The following GLIS1 variants were observed in gnomAD, a reference collection of about 807,000 sequenced individuals.
GLIS1 encodes the protein zinc finger protein GLIS1.
In GLIS1, 24 loss-of-function variants were observed where a neutral mutation model predicts 63.8. The observed-to-expected ratio is 0.38, with a 90% CI of 0.27 to 0.53. GLIS1 has a LOEUF of 0.53. GLIS1 is among the 20% of genes least tolerant of loss of function. The pLI is 0.85. For synonymous variants in GLIS1, 450 were observed against 482.5 expected (o/e 0.93, Z 0.88); for missense variants, 1,036 against 1,074.1 (o/e 0.96, Z 0.50).
chr1:53,680,379 G>A (rs1216411945), intron 2 of GLIS1, among the ~76,000 whole-genome samples: 2 of 152,204 alleles, frequency 1.3e-5, no homozygotes, highest in Non-Finnish European at 2.9e-5. Flanking sequence ...TCTATGCCAC[G>A]AGTGTGGTGC....
intron 4 of GLIS1, among the ~76,000 whole-genome samples, chr1:53,541,644 TCA>T (rs1368156738): frequency 1.3e-5 from 2 of 152,026 alleles, no homozygotes; most frequent in Non-Finnish European, 2.9e-5. Context: ...GGGAAACCAG[TCA>T]CACACACACA....
chr1:53,576,804 A>G (rs1569855286), intron 4 of GLIS1, among the ~76,000 whole-genome samples: 2 of 151,330 alleles, frequency 1.3e-5, no homozygotes, highest in South Asian at 2.1e-4. Context: ...TCTGTACCCC[A>G]CTCTCCTCAA....
At chr1:53,541,298 G>A (rs1159307287) in intron 4 of GLIS1, among the ~76,000 whole-genome samples, 3 of 152,198 alleles carry the variant, frequency 2.0e-5, no homozygotes, top group Admixed American at 2.0e-4. Flanking sequence ...TCCTTTAGGG[G>A]ACAGCCCACA....
chr1:53,733,584 G>A (rs1290738069), intron 2 of GLIS1, among the ~76,000 whole-genome samples: 4 of 152,192 alleles, frequency 2.6e-5, no homozygotes, highest in African/African-American at 4.8e-5. Flanking sequence ...CTAGCCGCCC[G>A]AGATTCTTAG....
chr1:53,576,798 T>C (rs140047294), intron 4 of GLIS1, among the ~76,000 whole-genome samples: 2 of 152,254 alleles, frequency 1.3e-5, no homozygotes, highest in African/African-American at 2.4e-5. Flanking sequence ...CTCAACTCTG[T>C]ACCCCACTCT....
intron 5 of GLIS1, among the ~76,000 whole-genome samples, chr1:53,525,166 G>A (rs923456034): frequency 5.3e-5 from 8 of 152,118 alleles, no homozygotes; most frequent in Middle Eastern, 6.8e-3. Context: ...GCCATCTGAG[G>A]TCTAAGGGTT....
At chr1:53,704,664 CA>C (rs1646558721) in intron 2 of GLIS1, among the ~76,000 whole-genome samples, 2 of 152,186 alleles carry the variant, frequency 1.3e-5, no homozygotes, top group African/African-American at 4.8e-5. Flanking sequence ...TCAGGGAGCC[CA>C]GGGTCTCTCC....
chr1:53,702,918 G>T lies in GLIS1; in HGVS notation c.259+34888C>A, dbSNP rs531336611. On this transcript the variant is annotated intron_variant, in intron 2 of 10. Coordinates refer to ENST00000628545, the MANE Select transcript of GLIS1 (RefSeq NM_001367484.1). ...CACCGTGGCCTGTCCTCATGAGGGG[G>T]TTCTCCTGTCCCCCAAAAGGCCTCT... Among the ~76,000 whole-genome samples the T allele has an allele frequency of 2.8e-4, 43 of 152,306 alleles. No individual in the cohort carries two copies. The South Asian group carries it at 4.6e-3, about 16-fold the overall frequency.
In GLIS1 at chr1:53,554,054, C is replaced by T. The variant is rs539225863; in HGVS notation, c.1321-24102G>A. Among the ~76,000 whole-genome samples the T allele has an allele frequency of 3.9e-5, 6 of 152,362 alleles. No homozygotes were observed. The East Asian group carries it at 1.2e-3, about 29-fold the overall frequency. ...GACACTAGGCCTCCCTAAACTCTGGCTCCAGGCCCCTCGCCAGGGCCACCT... is the reference window on the plus strand; with the variant it reads ...GACACTAGGCCTCCCTAAACTCTGGTTCCAGGCCCCTCGCCAGGGCCACCT... On this transcript the variant is annotated intron_variant, in intron 4 of 10. Transcript: ENST00000628545.
intron 2 of GLIS1, among the ~76,000 whole-genome samples, chr1:53,696,711 C>T (rs907627652): frequency 7.9e-5 from 12 of 152,082 alleles, no homozygotes; most frequent in Non-Finnish European, 1.8e-4. Flanking sequence ...TGTCCTCATA[C>T]GTGCTGTCTG....
intron 2 of GLIS1, among the ~76,000 whole-genome samples, chr1:53,645,084 C>T (rs894374626): frequency 1.3e-5 from 2 of 152,224 alleles, no homozygotes; most frequent in South Asian, 4.1e-4. Flanking sequence ...CCAGCCACAC[C>T]GGCCTCCTGG....
rs1256019325 is a variant in GLIS1 at position 53,574,323 on chromosome 1, G to C, written c.1320+19785C>G. On this transcript the variant is annotated intron_variant, in intron 4 of 10. Transcript: ENST00000628545. This position sits in a 1 kb window ranked among gnomAD's most constrained non-coding sequence, Gnocchi z 4.2. Reference sequence around the variant, plus strand: ...TCTGTCCCAGAATATGCACCGCTCTGTACCCAGAACATGCACATGGCCTGG... The same window carrying C: ...TCTGTCCCAGAATATGCACCGCTCTCTACCCAGAACATGCACATGGCCTGG... 6.6e-6 allele frequency among the ~76,000 whole-genome samples: 1 copy of C among 152,202 alleles called. No individual in the cohort carries two copies. Among genetic ancestry groups the C allele is most frequent in the African/African-American group, 2.4e-5 (1 of 41,444 alleles).
chr1:53,573,711 T>C (rs1234484472), intron 4 of GLIS1, among the ~76,000 whole-genome samples: 4 of 152,192 alleles, frequency 2.6e-5, no homozygotes, highest in African/African-American at 9.7e-5. Context: ...CGCAGATGCA[T>C]GCACACATGG....
chr1:53,635,231 C>T (rs1340063690), intron 2 of GLIS1, among the ~76,000 whole-genome samples: 2 of 151,944 alleles, frequency 1.3e-5, no homozygotes, highest in African/African-American at 4.8e-5. Context: ...GGAAACCGAC[C>T]GTGGACTGGG....
intron 4 of GLIS1, among the ~76,000 whole-genome samples, chr1:53,537,225 TG>T (rs1644590142): frequency 6.6e-6 from 1 of 152,164 alleles, no homozygotes; most frequent in South Asian, 2.1e-4. Flanking sequence ...CAAGATCCGC[TG>T]GGGGCTGGCT....
At chr1:53,624,243 A>G (rs1474485341) in intron 2 of GLIS1, among the ~76,000 whole-genome samples, 1 of 152,264 alleles carries the variant, frequency 6.6e-6, no homozygotes. Context: ...ATCCACATTT[A>G]CATGGTCATT....
chr1:53,569,051 A>G (rs964459634), intron 4 of GLIS1, among the ~76,000 whole-genome samples: 3 of 152,238 alleles, frequency 2.0e-5, no homozygotes, highest in African/African-American at 4.8e-5. Context: ...AAATATGCCA[A>G]TCTGAGAAGG....
At chr1:53,682,490 C>T (rs1391714457) in intron 2 of GLIS1, among the ~76,000 whole-genome samples, 3 of 152,236 alleles carry the variant, frequency 2.0e-5, no homozygotes, top group African/African-American at 7.2e-5. Flanking sequence ...TATGTGTCCC[C>T]ATAAGGGATG....
chr1:53,632,947 GTGAC>G (rs1483591852), intron 2 of GLIS1, among the ~76,000 whole-genome samples: 3 of 149,840 alleles, frequency 2.0e-5, no homozygotes, highest in Non-Finnish European at 4.4e-5. Context: ...GCATGTGAAT[GTGAC>G]TGAGGGGCGT....
Sources: gnomAD v4.1 joint callset for allele counts (sites outside exome capture counted in the v4.1 genomes callset) on GRCh38, gnomAD v4.1.1 for gene constraint, Gnocchi (gnomAD v3.1) non-coding constraint, MANE v1.5 for transcripts, NCBI Gene and HGNC (gene_info 2026-07-23, HGNC 2026-07-21) for gene names.